Variants in TSPEAR observed in about 807,000 individuals in gnomAD.
TSPEAR encodes the protein thrombospondin-type laminin G domain and EAR repeat-containing protein.
In TSPEAR, 69 loss-of-function variants were observed where a neutral mutation model predicts 71.6. The observed-to-expected ratio is 0.96, with a 90% CI of 0.79 to 1.18. The LOEUF (loss-of-function observed/expected upper bound fraction) is 1.18. TSPEAR is among the 50% of genes most tolerant of loss of function. The pLI is 0.00. For synonymous variants in TSPEAR, 402 were observed against 387.2 expected (o/e 1.04, Z -0.45); for missense variants, 971 against 894.9 (o/e 1.09, Z -1.09).
intron 2 of TSPEAR, among the ~76,000 whole-genome samples, chr21:44,566,941 G>C (rs1192736351): frequency 6.6e-6 from 1 of 152,092 alleles, no homozygotes; most frequent in Non-Finnish European, 1.5e-5. Flanking sequence ...TCATGACCTT[G>C]GATTTGGCAT....
rs372959103 is a variant in TSPEAR, at chr21:44,658,322, G to A, written c.82+53111C>T. On this transcript the variant is annotated intron_variant, in intron 1 of 11. Transcript: ENST00000323084. ...CACACCTGTATCCCTCCGTGAATAA[G>A]CATCTGGTGGACCCCCAGATTGCAC... 11 of 1,549,476 alleles carry A rather than the reference G, an allele frequency of 7.1e-6. No homozygotes were observed. In the African/African-American group the frequency reaches 1.5e-4, roughly 21 times the overall value.
chr21:44,565,199 A>C (rs1256698900), intron 2 of TSPEAR, among the ~76,000 whole-genome samples: 5 of 152,150 alleles, frequency 3.3e-5, no homozygotes, highest in Non-Finnish European at 7.4e-5. Context: ...TCAAATCAAT[A>C]ACCTAACCTA....
In TSPEAR at chr21:44,522,036, G is replaced by A. The variant is rs369208247; in HGVS notation, c.1413C>T (p.Ile471=). 2.4e-5 allele frequency: 38 copies of A among 1,614,056 alleles called. No individual in the cohort carries two copies. The highest frequency in any genetic ancestry group is 1.1e-4 in the East Asian group (5 of 44,898). The change falls in exon 9 of 12, where the codon ATC becomes ATT. Residue 471 remains isoleucine, a synonymous_variant. Coordinates refer to ENST00000323084, the MANE Select transcript of TSPEAR (RefSeq NM_144991.3). ...CCCAGTCGTAGGCGCCGGAGGTGGCGATGGTCTGGTTGGCCTCGAAGAGCC... is the reference window on the plus strand; with the variant it reads ...CCCAGTCGTAGGCGCCGGAGGTGGCAATGGTCTGGTTGGCCTCGAAGAGCC... ...ATRLFEANQT[I]ATSGAYDWEF...
intron 1 of TSPEAR, among the ~76,000 whole-genome samples, chr21:44,708,007 G>GCACA (rs58196199): frequency 0.015 from 1,844 of 122,362 alleles, 39 homozygotes; most frequent in African/African-American, 0.045. Context: ...CCCCGCGCGT[G>GCACA]CACACACACA....
intron 2 of TSPEAR, among the ~76,000 whole-genome samples, chr21:44,552,636 G>C (rs116464357): frequency 0.031 from 4,724 of 152,296 alleles, 230 homozygotes; most frequent in African/African-American, 0.11. Context: ...GTGAACCTCT[G>C]TTATTCGCAG....
At chr21:44,677,116 A>G in intron 1 of TSPEAR, 1 of 715,590 alleles carries the variant, frequency 1.4e-6, no homozygotes, top group Non-Finnish European at 2.6e-6. Flanking sequence ...GACCTTTTTG[A>G]CCACATTATC....
Position 44,654,530 on chromosome 21 carries a change from C to T in TSPEAR, c.82+56903G>A, listed in dbSNP as rs781859959. On this transcript the variant is annotated intron_variant, in intron 1 of 11. Coordinates refer to ENST00000323084, the MANE Select transcript of TSPEAR (RefSeq NM_144991.3). The stretch of plus-strand genomic sequence containing the variant: ...CAGCAGCAGGAGGTCCCATAGCCCT[C>T]GGGTGGGTAGCAGGTGCTGGGGACA... 11 of 1,612,482 alleles carry T rather than the reference C, an allele frequency of 6.8e-6. No individual in the cohort carries two copies. In the Admixed American group the frequency reaches 8.4e-5, roughly 12 times the overall value.
chr21:44,618,816 G>C (rs587658886), intron 1 of TSPEAR, among the ~76,000 whole-genome samples: 2 of 152,276 alleles, frequency 1.3e-5, no homozygotes, highest in South Asian at 2.1e-4. Flanking sequence ...GTGTTACAAC[G>C]TTTAAAGGTA....
chr21:44,535,258 C>G (rs1229836834), intron 2 of TSPEAR, among the ~76,000 whole-genome samples: 1 of 152,082 alleles, frequency 6.6e-6, no homozygotes, highest in Non-Finnish European at 1.5e-5. Context: ...AATTAAAAAA[C>G]AAGAACGTAT....
rs587679038 is a variant in TSPEAR at position 44,628,108 on chromosome 21, A to G, written c.83-60103T>C. 2.6e-6 allele frequency: 4 copies of G among 1,565,080 alleles called. No individual in the cohort carries two copies. The Admixed American group carries it at 5.2e-5, about 20-fold the overall frequency. On this transcript the variant is annotated intron_variant, in intron 1 of 11. Transcript: ENST00000323084. ...GCCCCACCTCCCTGCCAGTCCTTGG[A>G]CCTCCCAGCCCACCCAGCCTCAGCA... is the stretch of plus-strand genomic sequence containing the variant.
At chr21:44,517,018 C>T (rs948368980) in intron 9 of TSPEAR, among the ~76,000 whole-genome samples, 4 of 152,210 alleles carry the variant, frequency 2.6e-5, no homozygotes, top group Non-Finnish European at 2.9e-5. Flanking sequence ...ACAGGAAGGC[C>T]GTCCTGGCCT....
At chr21:44,551,639 G>A (rs587630893) in intron 2 of TSPEAR, 13 of 840,578 alleles carry the variant, frequency 1.5e-5, no homozygotes, top group African/African-American at 1.0e-4. Context: ...GTTTGGAGCC[G>A]GGAGGACCCT....
intron 1 of TSPEAR, chr21:44,574,554 T>C (rs1189179828): frequency 6.2e-7 from 1 of 1,609,048 alleles, no homozygotes; most frequent in Non-Finnish European, 8.5e-7. Context: ...CTCCTCTCCC[T>C]GCCAGCAGGC....
chr21:44,533,733 G>A lies in TSPEAR; in HGVS notation c.494C>T (p.Ser165Phe), dbSNP rs1185230635. Reference protein sequence around the residue: ...GRWHTLVLAVSAGVFSLTTDC... With the variant: ...GRWHTLVLAVFAGVFSLTTDC... ...CGTGGTGAGGGAGAAGACGCCTGCG[G>A]ACACAGCCAGGACCAGTGTGTGCCA... Residue 165 changes from serine (S) to phenylalanine (F), a missense_variant, in exon 3 of 12, where the codon TCC (serine) becomes TTC (phenylalanine). By Grantham distance (155) the Ser-to-Phe change is radical (BLOSUM62 -2). Transcript: ENST00000323084. The A allele has an allele frequency of 6.2e-7, 1 of 1,612,006 alleles. No individual in the cohort carries two copies. The highest frequency in any genetic ancestry group is 1.3e-5 in the African/African-American group (1 of 74,924).
intron 6 of TSPEAR, among the ~76,000 whole-genome samples, chr21:44,527,889 C>G (rs1300652870): frequency 6.6e-6 from 1 of 152,160 alleles, no homozygotes; most frequent in Non-Finnish European, 1.5e-5. Context: ...GAGCATCTAT[C>G]GCCACCTCCA....
At chr21:44,654,738 G>C in intron 1 of TSPEAR, 1 of 676,856 alleles carries the variant, frequency 1.5e-6, no homozygotes, top group Non-Finnish European at 2.5e-6. Flanking sequence ...CTTCCTCGTG[G>C]GTGGTTTTTC....
At chr21:44,512,936 C>T (rs1258448514) in intron 9 of TSPEAR, among the ~76,000 whole-genome samples, 1 of 152,194 alleles carries the variant, frequency 6.6e-6, no homozygotes, top group Non-Finnish European at 1.5e-5. Flanking sequence ...AGAGGCTGCT[C>T]AAGTCACCCT....
In TSPEAR at chr21:44,709,546, G is replaced by A. The variant is rs868930520; in HGVS notation, c.82+1887C>T. 2.6e-5 allele frequency among the ~76,000 whole-genome samples: 4 copies of A among 152,354 alleles called. No homozygotes were observed. The South Asian group carries it at 8.3e-4, about 32-fold the overall frequency. On this transcript the variant is annotated intron_variant, in intron 1 of 11. Coordinates refer to ENST00000323084, the MANE Select transcript of TSPEAR (RefSeq NM_144991.3). ...CCCTCCTGACAACTCCAGAGAAGGC[G>A]CATGGGCCCCGTGGCAGACCCGAAC...
Position 44,540,581 on chromosome 21 carries a change from G to A in TSPEAR, c.304-6658C>T, listed in dbSNP as rs7279083. Among the ~76,000 whole-genome samples, 851 of 152,312 alleles carry A rather than the reference G, an allele frequency of 5.6e-3. 10 individuals are homozygous for A. Among genetic ancestry groups the A allele is most frequent in the African/African-American group, 0.019 (795 of 41,562 alleles). On this transcript the variant is annotated intron_variant, in intron 2 of 11. Transcript: ENST00000323084. ...AGCTGTCCCACTCACGATCGTGGGG[G>A]CGTCTCCTCCCTAAAGCGGGTCCTC... is the stretch of plus-strand genomic sequence containing the variant.
Sources: allele counts gnomAD v4.1 joint callset (sites outside exome capture counted in the v4.1 genomes callset), GRCh38; gene constraint gnomAD v4.1.1; transcripts MANE v1.5; gene names NCBI Gene and HGNC (gene_info 2026-07-23, HGNC 2026-07-21).